The following TXNDC16 variants were observed in gnomAD, a reference collection of about 807,000 sequenced individuals.
The protein encoded by TXNDC16 is thioredoxin domain containing 16, also known as thioredoxin domain-containing protein 16.
TXNDC16 carries 74 observed loss-of-function variants against 85.6 expected under a neutral mutation model. The ratio of observed to expected loss-of-function variants is 0.86; its 90% CI spans 0.72 to 1.05. The LOEUF (loss-of-function observed/expected upper bound fraction) is 1.05. Ranked by LOEUF, TXNDC16 falls within the 50% of genes least tolerant of loss-of-function variation. The pLI is 0.00. For missense variants in TXNDC16, 959 were observed against 947.0 expected (o/e 1.01, Z -0.17); for synonymous variants, 335 against 326.5 (o/e 1.03, Z -0.28).
chr14:52,478,580 T>C (rs555283103), intron 14 of TXNDC16, among the ~76,000 whole-genome samples: 2 of 152,158 alleles, frequency 1.3e-5, no homozygotes, highest in South Asian at 2.1e-4. Context: ...GATGGATAAA[T>C]TCCTGGAAAG....
chr14:52,480,626 A>G (rs2036122541), intron 14 of TXNDC16, among the ~76,000 whole-genome samples: 1 of 152,114 alleles, frequency 6.6e-6, no homozygotes. Flanking sequence ...ATGAGATATC[A>G]CCTTACTCCT....
chr14:52,475,545 G>A (rs556616197), intron 14 of TXNDC16, among the ~76,000 whole-genome samples: 12 of 152,014 alleles, frequency 7.9e-5, no homozygotes, highest in South Asian at 6.2e-4. Flanking sequence ...TGTGACTGCC[G>A]GCTTTCCTCC....
intron 17 of TXNDC16, among the ~76,000 whole-genome samples, chr14:52,456,023 A>G (rs1221387073): frequency 6.6e-6 from 1 of 152,074 alleles, no homozygotes; most frequent in Non-Finnish European, 1.5e-5. Context: ...CTCTCCACTG[A>G]AACAAGAGCC....
In TXNDC16 at chr14:52,431,013, T is replaced by C. The variant is rs566472082; in HGVS notation, c.*1291A>G. ...TTTAAAGAACAAGATATCAAGTAGA[T>C]ATTAAAAAGAAAAATACAGTAGAGC... On this transcript the variant is annotated 3_prime_UTR_variant, in exon 21 of 21. Transcript: ENST00000281741. 1 of 152,284 alleles carries C rather than the reference T, an allele frequency of 6.6e-6. No individual in the cohort carries two copies. Among genetic ancestry groups the C allele is most frequent in the African/African-American group, 2.4e-5 (1 of 41,544 alleles). 9.4% of individuals were successfully genotyped at this position (152,284 alleles called of 1,614,324 possible).
intron 6 of TXNDC16, among the ~76,000 whole-genome samples, chr14:52,535,202 T>C (rs998381847): frequency 1.3e-5 from 2 of 152,178 alleles, no homozygotes; most frequent in African/African-American, 2.4e-5. Flanking sequence ...TGAGAACAAA[T>C]GTCATATCTA....
intron 6 of TXNDC16, among the ~76,000 whole-genome samples, chr14:52,521,476 T>C (rs1354435727): frequency 6.6e-6 from 1 of 152,106 alleles, no homozygotes; most frequent in African/African-American, 2.4e-5. Context: ...GACAGCTGGA[T>C]TTTCATTTCT....
intron 9 of TXNDC16, among the ~76,000 whole-genome samples, chr14:52,494,586 C>A (rs181091117): frequency 2.9e-4 from 44 of 151,930 alleles, no homozygotes; most frequent in Admixed American, 1.3e-3. Flanking sequence ...ATTAGTAATT[C>A]AGTATTATAA....
intron 6 of TXNDC16, among the ~76,000 whole-genome samples, chr14:52,527,933 A>G (rs1000195458): frequency 3.9e-5 from 6 of 152,138 alleles, no homozygotes; most frequent in African/African-American, 1.4e-4. Context: ...GAAAATTTTA[A>G]TAGATTGACA....
chr14:52,500,766 C>T (rs1367824582), intron 9 of TXNDC16, among the ~76,000 whole-genome samples: 2 of 152,030 alleles, frequency 1.3e-5, no homozygotes, highest in East Asian at 3.9e-4. Flanking sequence ...GTAGGTTTAA[C>T]TTAATTCAAG....
In TXNDC16 at chr14:52,530,391, T is replaced by TATATATA. The variant is rs2037502005; in HGVS notation, c.392+6327_392+6328insTATATAT. On this transcript the variant is annotated intron_variant, in intron 6 of 20. Transcript: ENST00000281741. ...TATTATATAATATTATATATAATATTATAATATAATATATAATTATTATAT... is the reference window on the plus strand; with the variant it reads ...TATTATATAATATTATATATAATATTATATATAATAATATAATATATAATTATTATAT... 1.8e-3 allele frequency among the ~76,000 whole-genome samples: 29 copies of TATATATA among 16,546 alleles called. 1 individual carries two copies. The highest frequency in any genetic ancestry group is 0.012 in the African/African-American group (29 of 2,332). The allele number at this position is 16,546 out of a possible 152,430, so 10.9% of individuals were successfully genotyped here. A position where few individuals can be genotyped will look rare whatever the true frequency, so the allele number is the denominator to read the frequency against.
chr14:52,469,930 T>G lies in TXNDC16; in HGVS notation c.1618+107A>C, dbSNP rs554872338. 7.8e-5 allele frequency: 86 copies of G among 1,102,528 alleles called. No homozygotes were observed. In the East Asian group the frequency reaches 2.6e-3, roughly 33 times the overall value. 68.3% of individuals were successfully genotyped at this position (1,102,528 alleles called of 1,614,324 possible). ...GATATTTTATTTTTCTTCAAACTTC[T>G]CCATAATTTTGAAATTCTCTATAAT... On this transcript the variant is annotated intron_variant, in intron 16 of 20. Coordinates refer to ENST00000281741, the MANE Select transcript of TXNDC16 (RefSeq NM_020784.3).
intron 18 of TXNDC16, among the ~76,000 whole-genome samples, chr14:52,454,824 T>C (rs1394411737): frequency 6.6e-6 from 1 of 151,880 alleles, no homozygotes; most frequent in Admixed American, 6.6e-5. Context: ...CCCATATAAG[T>C]AATAAGAATA....
chr14:52,503,286 C>T (rs1440821444), intron 9 of TXNDC16, among the ~76,000 whole-genome samples: 1 of 152,218 alleles, frequency 6.6e-6, no homozygotes, highest in Non-Finnish European at 1.5e-5. Context: ...TCAAGTGGGT[C>T]CCTGACCCCC....
chr14:52,447,353 G>A (rs77662174), intron 18 of TXNDC16, among the ~76,000 whole-genome samples: 6,808 of 152,244 alleles, frequency 0.045, 206 homozygotes, highest in Middle Eastern at 0.085. Context: ...CCATCCTAAA[G>A]GGAAGAACAC....
chr14:52,454,769 T>G (rs766618657), intron 18 of TXNDC16, among the ~76,000 whole-genome samples: 31 of 151,212 alleles, frequency 2.1e-4, no homozygotes, highest in Admixed American at 5.3e-4. Flanking sequence ...AGAGCTGAGA[T>G]CACAGCAACA....
chr14:52,453,764 C>T (rs756038825), intron 18 of TXNDC16, among the ~76,000 whole-genome samples: 1 of 152,058 alleles, frequency 6.6e-6, no homozygotes, highest in African/African-American at 2.4e-5. Context: ...ATATACAAAA[C>T]CCAGTACAGC....
At chr14:52,545,486 T>C (rs540021053) in intron 1 of TXNDC16, among the ~76,000 whole-genome samples, 1 of 152,306 alleles carries the variant, frequency 6.6e-6, no homozygotes, top group African/African-American at 2.4e-5. Context: ...ACCGCACGGG[T>C]CAGCTAGAAG....
intron 18 of TXNDC16, among the ~76,000 whole-genome samples, chr14:52,448,534 C>T (rs756821166): frequency 2.6e-5 from 4 of 151,928 alleles, no homozygotes; most frequent in Non-Finnish European, 5.9e-5. Flanking sequence ...ACAAGAAATG[C>T]TAAAGAGAAT....
At chr14:52,485,922 C>T (rs2036258153) in intron 12 of TXNDC16, among the ~76,000 whole-genome samples, 1 of 152,164 alleles carries the variant, frequency 6.6e-6, no homozygotes, top group Non-Finnish European at 1.5e-5. Context: ...CAACCTCAGC[C>T]ATTTTCTATA....
Sources: allele counts gnomAD v4.1 joint callset (sites outside exome capture counted in the v4.1 genomes callset), GRCh38; gene constraint gnomAD v4.1.1; transcripts MANE v1.5; gene names NCBI Gene and HGNC (gene_info 2026-07-23, HGNC 2026-07-21).